CDKAL1: variants seen among roughly 807,000 people sequenced by gnomAD.
CDKAL1 encodes the protein threonylcarbamoyladenosine tRNA methylthiotransferase.
In CDKAL1, 32 loss-of-function variants were observed where a neutral mutation model predicts 68.2. That is an observed-to-expected ratio of 0.47 (90% CI 0.35 to 0.63). The LOEUF (loss-of-function observed/expected upper bound fraction) is 0.63. CDKAL1 is among the 30% of genes least tolerant of loss of function. The probability of loss-of-function intolerance (pLI) is 0.00; values close to 1 mark genes in which losing one functional copy is unlikely to be tolerated. For synonymous variants in CDKAL1, 234 were observed against 244.3 expected (o/e 0.96, Z 0.39); for missense variants, 606 against 696.7 (o/e 0.87, Z 1.47).
chr6:20,762,796 C>T (rs1270437153), intron 7 of CDKAL1, among the ~76,000 whole-genome samples: 1 of 152,166 alleles, frequency 6.6e-6, no homozygotes, highest in East Asian at 1.9e-4. Context: ...ATCAGTGACT[C>T]TCCTTTCAAT....
chr6:21,195,922 G>A (rs1778453106), intron 13 of CDKAL1, among the ~76,000 whole-genome samples: 2 of 152,180 alleles, frequency 1.3e-5, no homozygotes, highest in East Asian at 1.9e-4. Flanking sequence ...CTATGAATTA[G>A]TGCACATTGC....
intron 8 of CDKAL1, among the ~76,000 whole-genome samples, chr6:20,824,191 T>C (rs1046643140): frequency 2.0e-5 from 3 of 152,262 alleles, no homozygotes; most frequent in Non-Finnish European, 4.4e-5. Context: ...TAAAAGGATA[T>C]GAAGCCTCTT....
In CDKAL1 at chr6:21,176,696, GT is replaced by G. The variant is rs1169908107; in HGVS notation, c.1300-21309del. Among the ~76,000 whole-genome samples, 268 of 100,502 alleles carry G rather than the reference GT, an allele frequency of 2.7e-3. 2 individuals are homozygous for G. The East Asian group carries it at 0.035, about 13-fold the overall frequency. The allele number at this position is 100,502 out of a possible 152,430, so 65.9% of individuals were successfully genotyped here. ...GCTGGATGTTGGTTTTTTTTTTTTT[GT>G]TTTTTTTTTTTTTTTGAGACGGAGT... On this transcript the variant is annotated intron_variant, in intron 13 of 15. Transcript: ENST00000274695.
At chr6:21,107,169 G>A (rs1773889905) in intron 12 of CDKAL1, among the ~76,000 whole-genome samples, 1 of 151,782 alleles carries the variant, frequency 6.6e-6, no homozygotes, top group Non-Finnish European at 1.5e-5. Flanking sequence ...GGATGGTCTC[G>A]ATCTCCTGAC....
At chr6:21,084,816 T>G (rs895155243) in intron 12 of CDKAL1, among the ~76,000 whole-genome samples, 1 of 152,110 alleles carries the variant, frequency 6.6e-6, no homozygotes, top group East Asian at 1.9e-4. Context: ...CGTTACAAAG[T>G]TATATGATGC....
At chr6:21,110,364 G>T (rs777221935) in intron 13 of CDKAL1, among the ~76,000 whole-genome samples, 1 of 152,154 alleles carries the variant, frequency 6.6e-6, no homozygotes, top group Non-Finnish European at 1.5e-5. Context: ...ACAAAGACTA[G>T]AACCATAGGG....
At chr6:20,737,057 C>T (rs1005133453) in intron 5 of CDKAL1, among the ~76,000 whole-genome samples, 52 of 152,150 alleles carry the variant, frequency 3.4e-4, no homozygotes, top group African/African-American at 1.0e-3. Context: ...CTCTCATTCT[C>T]CCAATTACAG....
chr6:20,583,148 A>G (rs958934492), intron 4 of CDKAL1, among the ~76,000 whole-genome samples: 5 of 152,184 alleles, frequency 3.3e-5, no homozygotes, highest in Non-Finnish European at 5.9e-5. Context: ...GTTGGTAGAT[A>G]GGTTCTATTT....
At chr6:21,005,576 T>A (rs1026406668) in intron 11 of CDKAL1, among the ~76,000 whole-genome samples, 1 of 152,206 alleles carries the variant, frequency 6.6e-6, no homozygotes, top group South Asian at 2.1e-4. Flanking sequence ...TTTGAATGAA[T>A]TAATAAACGG....
At chr6:20,608,999 A>T (rs939910452) in intron 4 of CDKAL1, among the ~76,000 whole-genome samples, 17 of 152,156 alleles carry the variant, frequency 1.1e-4, no homozygotes, top group Admixed American at 1.1e-3. Context: ...TGTACTAATA[A>T]AGTTAAGCAT....
chr6:20,856,751 G>T (rs1295294217), intron 9 of CDKAL1, among the ~76,000 whole-genome samples: 1 of 152,298 alleles, frequency 6.6e-6, no homozygotes, highest in East Asian at 1.9e-4. Context: ...GAACTTTAAA[G>T]GCTGCAAGTT....
chr6:20,639,055 C>T (rs756444294), intron 4 of CDKAL1, among the ~76,000 whole-genome samples: 15 of 152,122 alleles, frequency 9.9e-5, no homozygotes, highest in Admixed American at 4.6e-4. Context: ...AGTACAACGT[C>T]TGTCTTGTAC....
chr6:20,929,780 G>A (rs1763346379), intron 9 of CDKAL1, among the ~76,000 whole-genome samples: 1 of 152,146 alleles, frequency 6.6e-6, no homozygotes, highest in Non-Finnish European at 1.5e-5. Flanking sequence ...TTGGGCTGCT[G>A]ATGGCTCCTT....
rs548156638 is a variant in CDKAL1, at chr6:20,971,534, TAA to T, written c.909+15951_909+15952del. 1.9e-4 allele frequency among the ~76,000 whole-genome samples: 29 copies of T among 152,350 alleles called. No individual in the cohort carries two copies. In the South Asian group the frequency reaches 3.9e-3, roughly 21 times the overall value. On this transcript the variant is annotated intron_variant, in intron 10 of 15. Transcript: ENST00000274695. ...TTCAGGGATAATCAATTTCAAAACTTAAAGAGTCATTTTGAAATCTGCAGTAC... is the reference window on the plus strand; with the variant it reads ...TTCAGGGATAATCAATTTCAAAACTTAGAGTCATTTTGAAATCTGCAGTAC...
chr6:20,914,333 G>A (rs1015989034), intron 9 of CDKAL1, among the ~76,000 whole-genome samples: 3 of 152,116 alleles, frequency 2.0e-5, no homozygotes, highest in Admixed American at 2.0e-4. Context: ...ATACCCGCAT[G>A]CCATTTTCTC....
intron 4 of CDKAL1, among the ~76,000 whole-genome samples, chr6:20,620,972 A>G (rs565689328): frequency 5.9e-5 from 9 of 152,186 alleles, no homozygotes; most frequent in African/African-American, 2.2e-4. Flanking sequence ...GATGCCATCC[A>G]GGACACCATA....
chr6:20,878,497 T>A (rs1760647789), intron 9 of CDKAL1, among the ~76,000 whole-genome samples: 1 of 152,076 alleles, frequency 6.6e-6, no homozygotes, highest in African/African-American at 2.4e-5. Flanking sequence ...CCCAGCACTT[T>A]GAGGGGCGGA....
At chr6:20,732,362 G>A (rs1264696624) in intron 5 of CDKAL1, among the ~76,000 whole-genome samples, 1 of 141,040 alleles carries the variant, frequency 7.1e-6, no homozygotes, top group Admixed American at 7.6e-5. Context: ...TGCAACCTCT[G>A]CCTCCGGGGT....
intron 13 of CDKAL1, among the ~76,000 whole-genome samples, chr6:21,187,704 A>G (rs1238935027): frequency 6.6e-6 from 1 of 152,200 alleles, no homozygotes; most frequent in Non-Finnish European, 1.5e-5. Context: ...ACTGCAGATT[A>G]CTAGATTACA....
Sources: gnomAD v4.1 joint callset for allele counts (sites outside exome capture counted in the v4.1 genomes callset) on GRCh38, gnomAD v4.1.1 for gene constraint, MANE v1.5 for transcripts, NCBI Gene and HGNC (gene_info 2026-07-23, HGNC 2026-07-21) for gene names.